DPRX: variants seen among roughly 807,000 people sequenced by gnomAD.
DPRX encodes the protein divergent paired-related homeobox.
DPRX carries 11 observed loss-of-function variants against 8.4 expected under a neutral mutation model. The observed-to-expected ratio is 1.31, with a 90% CI of 0.82 to 2.17. DPRX has a LOEUF of 2.17. Ranked by LOEUF, DPRX falls within the 30% of genes most tolerant of loss-of-function variation. The probability of loss-of-function intolerance (pLI) is 0.00; values close to 1 mark genes in which losing one functional copy is unlikely to be tolerated. For missense variants in DPRX, 211 were observed against 236.7 expected (o/e 0.89, Z 0.71); for synonymous variants, 72 against 87.0 (o/e 0.83, Z 0.96).
chr19:53,617,125 G>A, the DPRX span: 56 of 1,245,512 alleles, frequency 4.5e-5, no homozygotes, highest in African/African-American at 1.3e-4. Flanking sequence ...TGGACCGATC[G>A]AATGCACCAA....
At chr19:53,636,428 C>A (rs1293558919) in intron 2 of DPRX, among the ~76,000 whole-genome samples, 168 bp from the exon 3 acceptor site, 9 of 104,152 alleles carry the variant, frequency 8.6e-5, no homozygotes, top group South Asian at 3.1e-4. Context: ...GTTTAAGGGC[C>A]AAAAAAAGGA....
chr19:53,611,194 G>A, the DPRX span, among the ~76,000 whole-genome samples: 31 of 152,172 alleles, frequency 2.0e-4, 1 homozygote, highest in East Asian at 6.0e-3. Flanking sequence ...GAGCCACAGA[G>A]CCCAGCCACA....
chr19:53,603,250 T>C, the DPRX span: 1 of 442,040 alleles, frequency 2.3e-6, no homozygotes, highest in South Asian at 1.6e-5. Flanking sequence ...CCACCACATC[T>C]TCACAACTCC....
upstream of DPRX, among the ~76,000 whole-genome samples, chr19:53,630,308 C>G (rs1279873856): frequency 6.6e-6 from 1 of 151,948 alleles, no homozygotes; most frequent in Admixed American, 6.6e-5. Context: ...CTTACTAATC[C>G]CAGCACTTTG....
intron 1 of DPRX, 21 bp downstream of exon 1, chr19:53,632,155 A>G (rs2091095064): frequency 6.2e-7 from 1 of 1,613,780 alleles, no homozygotes; most frequent in African/African-American, 1.3e-5. Flanking sequence ...AAAAATGAGA[A>G]CCGAAGCAAA....
the DPRX span, among the ~76,000 whole-genome samples, chr19:53,603,827 A>T: frequency 1.4e-5 from 2 of 139,020 alleles, no homozygotes; most frequent in East Asian, 4.2e-4. Flanking sequence ...CACTGCAACC[A>T]CCCCCGCCTC....
chr19:53,607,511 C>T, the DPRX span, among the ~76,000 whole-genome samples: 3 of 152,118 alleles, frequency 2.0e-5, no homozygotes, highest in Non-Finnish European at 2.9e-5. Context: ...TGCTACTGCA[C>T]TCCAGCCTGA....
the DPRX span, chr19:53,601,895 G>A: frequency 5.2e-3 from 2,021 of 388,666 alleles, 36 homozygotes; most frequent in East Asian, 0.049. Context: ...TTGGTTTTTC[G>A]CAACTGCCCT....
At chr19:53,627,901 G>A (rs74180715), upstream of DPRX, among the ~76,000 whole-genome samples, 32,905 of 151,376 alleles carry the variant, frequency 0.22, 4,037 homozygotes, top group African/African-American at 0.32. Flanking sequence ...GCATGGTGGC[G>A]CTTGCCTGTA....
At chr19:53,608,953 C>CAAAAAAAAAA in the DPRX span, among the ~76,000 whole-genome samples, 2 of 76,920 alleles carry the variant, frequency 2.6e-5, no homozygotes, top group Admixed American at 1.8e-4. Flanking sequence ...GAGACTCCGT[C>CAAAAAAAAAA]AAAAAAAAAA....
chr19:53,625,944 CTT>C, the DPRX span, among the ~76,000 whole-genome samples: 1 of 151,272 alleles, frequency 6.6e-6, no homozygotes, highest in African/African-American at 2.4e-5. Context: ...AGTGCCCCCC[CTT>C]TTTTGTGTGT....
chr19:53,622,951 A>G, the DPRX span, among the ~76,000 whole-genome samples: 1 of 152,212 alleles, frequency 6.6e-6, no homozygotes, highest in Non-Finnish European at 1.5e-5. Context: ...ATCTTAGAGG[A>G]CAGCACCCCA....
At chr19:53,605,997 T>TA in the DPRX span, 2 of 152,066 alleles carry the variant, frequency 1.3e-5, no homozygotes, top group Non-Finnish European at 2.9e-5. Context: ...TTTTATTAAA[T>TA]AAACTTTTGT....
the DPRX span, chr19:53,601,176 T>C: frequency 2.2e-6 from 1 of 446,148 alleles, no homozygotes; most frequent in African/African-American, 2.0e-5. Flanking sequence ...CCCACACTGT[T>C]AGCCTGAGAC....
the DPRX span, among the ~76,000 whole-genome samples, chr19:53,619,697 C>G: frequency 7.6e-6 from 1 of 130,754 alleles, no homozygotes; most frequent in African/African-American, 2.9e-5. Flanking sequence ...AAACAAAAAA[C>G]AGAAAAAATT....
the DPRX span, among the ~76,000 whole-genome samples, chr19:53,615,283 A>AT: frequency 0.21 from 30,290 of 145,560 alleles, 3,294 homozygotes; most frequent in South Asian, 0.28. Flanking sequence ...GATCTGTCTA[A>AT]TTTTTTTTTT....
chr19:53,621,978 C>T, the DPRX span, among the ~76,000 whole-genome samples: 1 of 152,106 alleles, frequency 6.6e-6, no homozygotes, highest in Non-Finnish European at 1.5e-5. Flanking sequence ...GTCTACATTT[C>T]CTCATGGTGG....
At chr19:53,617,055 T>C in the DPRX span, 1 of 1,266,064 alleles carries the variant, frequency 7.9e-7, no homozygotes, top group East Asian at 2.3e-5. Flanking sequence ...GACAATATTA[T>C]TATGGAAGGA....
chr19:53,614,617 T>G, the DPRX span, among the ~76,000 whole-genome samples: 1 of 152,340 alleles, frequency 6.6e-6, no homozygotes, highest in Non-Finnish European at 1.5e-5. Context: ...CATCTTGTTA[T>G]AGCAAAAAGT....
Sources: gnomAD v4.1 joint callset for allele counts (sites outside exome capture counted in the v4.1 genomes callset) on GRCh38, gnomAD v4.1.1 for gene constraint, MANE v1.5 for transcripts, NCBI Gene and HGNC (gene_info 2026-07-23, HGNC 2026-07-21) for gene names.